Variants in TSKS observed in about 807,000 individuals in gnomAD.
TSKS encodes testis specific serine kinase substrate.
In TSKS, 27 loss-of-function variants were observed where a neutral mutation model predicts 68.0. That is an observed-to-expected ratio of 0.40 (90% CI 0.29 to 0.55). TSKS has a LOEUF of 0.55. Ranked by LOEUF, TSKS falls within the 20% of genes least tolerant of loss-of-function variation. The pLI is 0.53. For synonymous variants in TSKS, 331 were observed against 340.4 expected (o/e 0.97, Z 0.30); for missense variants, 806 against 776.0 (o/e 1.04, Z -0.46).
intron 1 of TSKS, 150 bp from the exon 2 acceptor site, chr19:49,762,382 C>G: frequency 1.7e-6 from 1 of 601,578 alleles, no homozygotes; most frequent in Non-Finnish European, 2.9e-6. Context: ...CTACTTTATT[C>G]TCCTTCCCTG....
chr19:49,740,367 C>T (rs1026025118), intron 9 of TSKS, 184 bp from the exon 10 acceptor site: 40 of 670,350 alleles, frequency 6.0e-5, no homozygotes, highest in South Asian at 1.4e-4. Context: ...CTCCAGATTC[C>T]GCTGTGGACT....
rs371583588 is a variant in TSKS, at chr19:49,762,025, G to A, written c.378C>T (p.Asp126=). The A allele has an allele frequency of 3.7e-5, 60 of 1,613,810 alleles. No individual in the cohort carries two copies. Among genetic ancestry groups the A allele is most frequent in the Non-Finnish European group, 4.5e-5 (53 of 1,179,908 alleles). Residue 126 remains aspartate, a synonymous_variant, in exon 2 of 11, where the codon GAC becomes GAT. Coordinates refer to ENST00000246801, the MANE Select transcript of TSKS (RefSeq NM_021733.2). ...ASPTLPWDPD[D]ADITEILSGV... ...TCACCAGGATTTCCGTGATGTCTGCGTCATCCGGATCCCAGGGTAGGGTAG... is the reference window on the plus strand; with the variant it reads ...TCACCAGGATTTCCGTGATGTCTGCATCATCCGGATCCCAGGGTAGGGTAG...
At chr19:49,748,578 G>A in intron 2 of TSKS, 109 bp from the exon 3 acceptor site, 1 of 1,038,392 alleles carries the variant, frequency 9.6e-7, no homozygotes, top group Non-Finnish European at 1.4e-6. Context: ...ATTTTGCCCT[G>A]GAATGGCTAT....
rs546287496 is a variant in TSKS at position 49,762,079 on chromosome 19, T to A, written c.324A>T (p.Gln108His). The A allele has an allele frequency of 6.2e-7, 1 of 1,614,070 alleles. No individual in the cohort carries two copies. Among genetic ancestry groups the A allele is most frequent in the South Asian group, 1.1e-5 (1 of 91,078 alleles). The change falls in exon 2 of 11, where the codon CAA becomes CAT. Residue 108 changes from glutamine to histidine, a missense_variant. By Grantham distance (24) the Gln-to-His change is conservative. Transcript: ENST00000246801. ...TDSTVEDLSGQLTLAGPPASP... is the reference protein window; with the variant it reads ...TDSTVEDLSGHLTLAGPPASP... ...AGGCAGGGGGCCCAGCCAGTGTGAG[T>A]TGGCCGCTGAGGTCTTCCACTGTGG...
Position 49,763,006 on chromosome 19 carries a change from A to G in TSKS, c.170+72T>C. On this transcript the variant is annotated intron_variant, in intron 1 of 10. Coordinates refer to ENST00000246801, the MANE Select transcript of TSKS (RefSeq NM_021733.2). This position sits in a 1 kb window ranked among gnomAD's most constrained non-coding sequence, Gnocchi z 4.5. The stretch of plus-strand genomic sequence containing the variant: ...CCCCTCCCCTTCCTCTAGCACCCAC[A>G]GTCGGACTCCTGCTCTGTTGGAGGT... 1 of 1,506,736 alleles carries G rather than the reference A, an allele frequency of 6.6e-7. No homozygotes were observed. The highest frequency in any genetic ancestry group is 8.9e-7 in the Non-Finnish European group (1 of 1,125,080). 93.3% of individuals were successfully genotyped at this position (1,506,736 alleles called of 1,614,324 possible).
chr19:49,745,373 G>A lies in TSKS; in HGVS notation c.1016C>T (p.Ala339Val), dbSNP rs2123604962. 1.3e-6 allele frequency: 2 copies of A among 1,579,080 alleles called. No homozygotes were observed. The highest frequency in any genetic ancestry group is 4.6e-5 in the East Asian group (2 of 43,846). Reference sequence around the variant, plus strand: ...CGCCCCCTCCTCCTGATGCCACCGGGCGGTCAGTGAGGACACCTCTCTCCT... The same window carrying A: ...CGCCCCCTCCTCCTGATGCCACCGGACGGTCAGTGAGGACACCTCTCTCCT... ...ELRREVSSLT[A>V]RWHQEEGAVQ... The change falls in exon 7 of 11, where the codon GCC (alanine) becomes GTC (valine). Residue 339 changes from alanine to valine, a missense_variant. Coordinates refer to ENST00000246801, the MANE Select transcript of TSKS (RefSeq NM_021733.2).
intron 2 of TSKS, among the ~76,000 whole-genome samples, chr19:49,754,983 GC>G (rs1350309089): frequency 4.6e-5 from 7 of 152,138 alleles, no homozygotes; most frequent in Non-Finnish European, 1.0e-4. Context: ...TGTAGAGCCA[GC>G]TACTCGGGAG....
intron 7 of TSKS, 25 bp from the exon 8 acceptor site, chr19:49,744,429 C>T (rs984389055): frequency 1.2e-6 from 2 of 1,603,594 alleles, no homozygotes; most frequent in African/African-American, 2.7e-5. Flanking sequence ...ACCAGTGCTG[C>T]TGGGTCGTCT....
chr19:49,751,778 C>T (rs1259274445), intron 2 of TSKS, among the ~76,000 whole-genome samples: 2 of 151,422 alleles, frequency 1.3e-5, no homozygotes, highest in Non-Finnish European at 2.9e-5. Flanking sequence ...AAATGTCATC[C>T]CTTGCCAGGC....
At chr19:49,751,300 T>TA (rs2084348270) in intron 2 of TSKS, among the ~76,000 whole-genome samples, 1 of 47,626 alleles carries the variant, frequency 2.1e-5, no homozygotes, top group East Asian at 6.5e-4. Context: ...AGATTCCATC[T>TA]CAAAAAAAAA....
At chr19:49,749,287 A>C (rs2084329053) in intron 2 of TSKS, among the ~76,000 whole-genome samples, 1 of 152,206 alleles carries the variant, frequency 6.6e-6, no homozygotes, top group African/African-American at 2.4e-5. Context: ...GAAATGGGAT[A>C]TCCCTTGTCT....
At position 49,759,598 on chromosome 19, in the gene TSKS, G is replaced by C. The variant is rs547777685; in HGVS notation, c.399+2406C>G. 2.0e-5 allele frequency among the ~76,000 whole-genome samples: 3 copies of C among 149,316 alleles called. No individual in the cohort carries two copies. In the South Asian group the frequency reaches 6.3e-4, roughly 32 times the overall value. On this transcript the variant is annotated intron_variant, in intron 2 of 10. Coordinates refer to ENST00000246801, the MANE Select transcript of TSKS (RefSeq NM_021733.2). ...CTACAGTGAGCCAAGATTGTGCCTG[G>C]ACTGTCATGCTGTCACTCCAGCCTG... is the stretch of plus-strand genomic sequence containing the variant.
chr19:49,746,483 T>G lies in TSKS; in HGVS notation c.979A>C (p.Ile327Leu), dbSNP rs546576625. The change falls in exon 6 of 11, where the codon ATC becomes CTC. Residue 327 changes from isoleucine (I) to leucine (L), a missense_variant. Ile to Leu is a conservative substitution (Grantham distance 5). Transcript: ENST00000246801. ...GGTCCCGCCCACCTCAGCTCTTCGA[T>G]GCCGGTGAACAGCTTCTGCAATTCC... Reference protein sequence around the residue: ...EQELQKLFTGIEELRREVSSL... With the variant: ...EQELQKLFTGLEELRREVSSL... 2 of 1,613,964 alleles carry G rather than the reference T, an allele frequency of 1.2e-6. No homozygotes were observed. The highest frequency in any genetic ancestry group is 1.7e-6 in the Non-Finnish European group (2 of 1,179,928).
chr19:49,742,054 C>T lies in TSKS; in HGVS notation c.1362-34G>A, dbSNP rs1437312545. ...GGGGCGGTCACCAGATAAAGAGGCC[C>T]AGTACCAACTCCAGGACGCCCCATG... On this transcript the variant is annotated intron_variant, in intron 8 of 10. Transcript: ENST00000246801. The T allele has an allele frequency of 1.9e-6, 3 of 1,609,728 alleles. No homozygotes were observed. The South Asian group carries it at 3.3e-5, about 18-fold the overall frequency.
intron 8 of TSKS, 75 bp from the exon 9 acceptor site, chr19:49,742,095 T>C (rs899081962): frequency 6.4e-7 from 1 of 1,554,178 alleles, no homozygotes; most frequent in Non-Finnish European, 8.7e-7. Flanking sequence ...TGCTCACCTG[T>C]GGAGCCTCCA....
intron 5 of TSKS, chr19:49,747,077 GAAC>G: frequency 6.9e-7 from 1 of 1,450,388 alleles, no homozygotes; most frequent in Non-Finnish European, 9.3e-7. Flanking sequence ...CACTTGGCAA[GAAC>G]AACTGAAGCT....
At chr19:49,740,241 G>C (rs1001640133) in intron 9 of TSKS, 58 bp from the exon 10 acceptor site, 4 of 1,565,456 alleles carry the variant, frequency 2.6e-6, no homozygotes, top group South Asian at 1.1e-5. Context: ...GGGTGGAGGG[G>C]GAACTGGATT....
At chr19:49,746,849 C>A in intron 5 of TSKS, 51 bp from the exon 6 acceptor site, 1 of 1,572,328 alleles carries the variant, frequency 6.4e-7, no homozygotes, top group Non-Finnish European at 8.6e-7. Flanking sequence ...TTTCCTCCCG[C>A]AACCACCTCC....
intron 2 of TSKS, among the ~76,000 whole-genome samples, chr19:49,749,925 CTTTTA>C (rs930772909): frequency 6.6e-6 from 1 of 151,792 alleles, no homozygotes; most frequent in Admixed American, 6.6e-5. Flanking sequence ...TTTTCTCTCT[CTTTTA>C]TTTATTTTTT....
Sources: allele counts gnomAD v4.1 joint callset (sites outside exome capture counted in the v4.1 genomes callset), GRCh38; gene constraint gnomAD v4.1.1; non-coding constraint Gnocchi (gnomAD v3.1); transcripts MANE v1.5; gene names NCBI Gene and HGNC (gene_info 2026-07-23, HGNC 2026-07-21).